The following ELMO1 variants were observed in gnomAD, a reference collection of about 807,000 sequenced individuals.
The protein encoded by ELMO1 is engulfment and cell motility protein 1.
A neutral mutation model predicts 98.9 loss-of-function variants in ELMO1; 26 were observed. That is an observed-to-expected ratio of 0.26 (90% CI 0.19 to 0.36). The LOEUF is 0.36. Among genes scored for constraint, ELMO1 ranks in the 10% least tolerant of loss-of-function variants. The pLI, the probability that ELMO1 is intolerant of heterozygous loss-of-function variation, is 1.00. For synonymous variants in ELMO1, 346 were observed against 346.0 expected, an observed-to-expected ratio of 1.00 and a Z score of 0.00; for missense variants, 627 against 935.2, an observed-to-expected ratio of 0.67 and a Z score of 4.30.
At chr7:37,021,612 T>C (rs1794271711) in intron 15 of ELMO1, among the ~76,000 whole-genome samples, 1 of 151,890 alleles carries the variant, frequency 6.6e-6, no homozygotes, top group Non-Finnish European at 1.5e-5. Flanking sequence ...CACTATTTAA[T>C]AGCAATGTGA....
chr7:37,223,972 ACCAGGGG>A (rs67677715), intron 9 of ELMO1, among the ~76,000 whole-genome samples: 79,062 of 151,328 alleles, frequency 0.52, 22,103 homozygotes, highest in Non-Finnish European at 0.63. Flanking sequence ...GACCTAATGG[ACCAGGGG>A]CAACAGTTAG....
intron 13 of ELMO1, among the ~76,000 whole-genome samples, chr7:37,195,002 G>A (rs1273641361): frequency 6.6e-6 from 1 of 152,178 alleles, no homozygotes; most frequent in Non-Finnish European, 1.5e-5. Context: ...AGATGCAAAG[G>A]TGTGCTAAGT....
At chr7:37,398,161 C>A (rs6462761) in intron 1 of ELMO1, among the ~76,000 whole-genome samples, 72,645 of 151,782 alleles carry the variant, frequency 0.48, 18,826 homozygotes, top group African/African-American at 0.68. Context: ...CAGAATTTAA[C>A]ATTTAAATTT....
intron 13 of ELMO1, among the ~76,000 whole-genome samples, chr7:37,151,300 C>G (rs1168467974): frequency 1.3e-5 from 2 of 152,190 alleles, no homozygotes; most frequent in African/African-American, 4.8e-5. Context: ...ATCCTTGAAG[C>G]CTACACCTCC....
At chr7:37,192,870 C>T (rs1563068418) in intron 13 of ELMO1, among the ~76,000 whole-genome samples, 4 of 141,038 alleles carry the variant, frequency 2.8e-5, no homozygotes, top group Non-Finnish European at 6.1e-5. Context: ...TAGATACATA[C>T]ATGTTTATAT....
At chr7:37,327,752 C>T (rs932188191) in intron 2 of ELMO1, among the ~76,000 whole-genome samples, 1 of 152,104 alleles carries the variant, frequency 6.6e-6, no homozygotes, top group Non-Finnish European at 1.5e-5. Context: ...AGTGGAGGGA[C>T]GTGGCTTCTG....
At chr7:37,285,456 G>T (rs1260458650) in intron 4 of ELMO1, among the ~76,000 whole-genome samples, 1 of 152,160 alleles carries the variant, frequency 6.6e-6, no homozygotes, top group African/African-American at 2.4e-5. Flanking sequence ...AGCAAATTAT[G>T]GTAAGGCAGG....
intron 15 of ELMO1, among the ~76,000 whole-genome samples, chr7:37,020,404 T>C (rs1305668247): frequency 1.3e-5 from 2 of 152,246 alleles, no homozygotes; most frequent in African/African-American, 2.4e-5. Context: ...TGGTATTTGA[T>C]AGGTTTAGCA....
intron 14 of ELMO1, among the ~76,000 whole-genome samples, chr7:37,100,641 G>C (rs1784589402): frequency 6.6e-6 from 1 of 152,196 alleles, no homozygotes; most frequent in African/African-American, 2.4e-5. Flanking sequence ...GCCCTTGAGG[G>C]CTTGAGGGCT....
At chr7:37,339,123 G>T (rs1485935943) in intron 2 of ELMO1, among the ~76,000 whole-genome samples, 1 of 152,224 alleles carries the variant, frequency 6.6e-6, no homozygotes, top group Admixed American at 6.5e-5. Flanking sequence ...AACACTCAAA[G>T]ACAGGCAGTT....
At chr7:37,007,279 A>G (rs562084864) in intron 16 of ELMO1, among the ~76,000 whole-genome samples, 69 of 152,280 alleles carry the variant, frequency 4.5e-4, no homozygotes, top group Admixed American at 1.8e-3. Context: ...CCTCTACTCA[A>G]ATATTCATGT....
intron 4 of ELMO1, among the ~76,000 whole-genome samples, chr7:37,273,637 G>A (rs1454817524): frequency 6.6e-6 from 1 of 152,124 alleles, no homozygotes; most frequent in East Asian, 1.9e-4. Context: ...TTCCAGCAGA[G>A]TACACACCAC....
chr7:37,204,399 ATGTC>A (rs1792485769), intron 13 of ELMO1: 2 of 346,870 alleles, frequency 5.8e-6, no homozygotes, highest in East Asian at 1.6e-4. Context: ...TAAAGGCGGC[ATGTC>A]TGGAGTTGTT....
At chr7:37,184,655 C>G (rs1437604374) in intron 13 of ELMO1, among the ~76,000 whole-genome samples, 1 of 152,112 alleles carries the variant, frequency 6.6e-6, no homozygotes, top group African/African-American at 2.4e-5. Flanking sequence ...CACCTATAAT[C>G]CTAGCACTTT....
chr7:37,141,940 GC>G (rs1280829267), intron 13 of ELMO1, among the ~76,000 whole-genome samples: 2 of 152,272 alleles, frequency 1.3e-5, no homozygotes, highest in East Asian at 3.9e-4. Flanking sequence ...CTGCCTACTG[GC>G]CACAGTCCAC....
intron 15 of ELMO1, among the ~76,000 whole-genome samples, chr7:37,052,942 A>G (rs1214480427): frequency 6.6e-6 from 1 of 152,194 alleles, no homozygotes; most frequent in Non-Finnish European, 1.5e-5. Flanking sequence ...AAAGCCTGAT[A>G]GCAGTGTCTG....
intron 16 of ELMO1, among the ~76,000 whole-genome samples, chr7:36,906,779 C>CA (rs1428914157): frequency 1.0e-3 from 147 of 140,696 alleles, no homozygotes; most frequent in African/African-American, 1.8e-3. Flanking sequence ...CAAGACCTCC[C>CA]AAAAAAAAAA....
intron 2 of ELMO1, among the ~76,000 whole-genome samples, chr7:37,326,122 G>C (rs184316056): frequency 1.4e-3 from 220 of 152,276 alleles, no homozygotes; most frequent in Non-Finnish European, 2.3e-3. Context: ...AATTCAGCTG[G>C]TTCTTGGAAA....
chr7:36,935,155 T>C (rs1786408274), intron 16 of ELMO1, among the ~76,000 whole-genome samples: 1 of 152,178 alleles, frequency 6.6e-6, no homozygotes, highest in Non-Finnish European at 1.5e-5. Flanking sequence ...GTTCCCCACA[T>C]ACTGTTCTCG....
Sources: gnomAD v4.1 joint callset for allele counts (sites outside exome capture counted in the v4.1 genomes callset) on GRCh38, gnomAD v4.1.1 for gene constraint, MANE v1.5 for transcripts, NCBI Gene and HGNC (gene_info 2026-07-23, HGNC 2026-07-21) for gene names.